Variants in PLAAT5 observed in about 807,000 individuals in gnomAD.
The protein encoded by PLAAT5 is Ca(2+)-independent N-acyltransferase.
A neutral mutation model predicts 27.8 loss-of-function variants in PLAAT5; 27 were observed. The observed-to-expected ratio is 0.97, with a 90% CI of 0.72 to 1.34. PLAAT5 has a LOEUF of 1.34. Ranked by LOEUF, PLAAT5 falls within the 40% of genes most tolerant of loss-of-function variation. The probability of loss-of-function intolerance (pLI) is 0.00; values close to 1 mark genes in which losing one functional copy is unlikely to be tolerated. For synonymous variants in PLAAT5, 125 were observed against 136.1 expected (o/e 0.92, Z 0.57); for missense variants, 368 against 343.8 (o/e 1.07, Z -0.56).
Position 63,490,329 on chromosome 11 carries a change from T to G in PLAAT5, c.153A>C (p.Glu51Asp), listed in dbSNP as rs142830842. ...GGACCAACGCTGCGAATCCCACGGA[T>G]TCTTCTAATTCAAGGGGGGAAATGC... ...LRRSAVPHSE[E>D]SVGFAALVQL... is the part of the protein sequence containing the mutation. The change falls in exon 2 of 6, where the codon GAA (glutamate) becomes GAC (aspartate). Residue 51 changes from glutamate (E) to aspartate (D), a missense_variant. Coordinates refer to ENST00000540857, the MANE Select transcript of PLAAT5 (RefSeq NM_001146729.2). 2.5e-6 allele frequency: 4 copies of G among 1,614,160 alleles called. No homozygotes were observed. Among genetic ancestry groups the G allele is most frequent in the Non-Finnish European group, 3.4e-6 (4 of 1,180,010 alleles).
At chr11:63,490,852 G>A (rs1327591757) in intron 1 of PLAAT5, 35 bp downstream of exon 1, 2 of 1,571,170 alleles carry the variant, frequency 1.3e-6, no homozygotes. Context: ...AAGGACAATT[G>A]CGGATTGTCC....
chr11:63,483,784 A>AATATATATATATATATATATGTATATAT (rs56345803), intron 3 of PLAAT5, among the ~76,000 whole-genome samples: 2 of 65,680 alleles, frequency 3.0e-5, no homozygotes, highest in Non-Finnish European at 5.2e-5. Flanking sequence ...GCAAAAAAAA[A>AATATATATATATATATATATGTATATAT]ATATATATAT....
intron 3 of PLAAT5, among the ~76,000 whole-genome samples, chr11:63,474,133 C>T (rs2016097163): frequency 6.6e-6 from 1 of 152,098 alleles, no homozygotes; most frequent in South Asian, 2.1e-4. Flanking sequence ...AGGGTTTTTA[C>T]ATGTATATTC....
At chr11:63,486,573 A>C (rs1437231365) in intron 3 of PLAAT5, among the ~76,000 whole-genome samples, 1 of 152,190 alleles carries the variant, frequency 6.6e-6, no homozygotes, top group Non-Finnish European at 1.5e-5. Context: ...AAAACAAAAA[A>C]ATCATATGCT....
chr11:63,470,220 C>G (rs2015986238), intron 3 of PLAAT5: 1 of 159,920 alleles, frequency 6.3e-6, no homozygotes, highest in African/African-American at 2.4e-5. Context: ...GTCTTCAAAC[C>G]TTAATGAACA....
At chr11:63,469,103 C>CGTGT (rs34013443) in intron 3 of PLAAT5, among the ~76,000 whole-genome samples, 3,556 of 134,360 alleles carry the variant, frequency 0.026, 58 homozygotes, top group East Asian at 0.073. Flanking sequence ...TCTCTATTAT[C>CGTGT]GTGTGTGTGT....
chr11:63,490,812 G>A (rs2016546723), intron 1 of PLAAT5, 75 bp downstream of exon 1: 1 of 1,339,938 alleles, frequency 7.5e-7, no homozygotes, highest in African/African-American at 1.5e-5. Context: ...AAGAAAAGGA[G>A]CTTTGAGGGT....
intron 1 of PLAAT5, 105 bp downstream of exon 1, chr11:63,490,782 A>G (rs1306423426): frequency 9.2e-7 from 1 of 1,089,950 alleles, no homozygotes; most frequent in African/African-American, 1.6e-5. Context: ...CTAACAGACA[A>G]CACAATCGCC....
At chr11:63,490,366 G>C (rs770346695) in intron 1 of PLAAT5, 33 bp from the exon 2 acceptor site, 8 of 1,613,910 alleles carry the variant, frequency 5.0e-6, no homozygotes, top group Non-Finnish European at 5.9e-6. Flanking sequence ...ATTTAGACCT[G>C]TGAAAGGAGA....
intron 3 of PLAAT5, among the ~76,000 whole-genome samples, chr11:63,488,579 C>T (rs772618687): frequency 1.4e-4 from 21 of 152,086 alleles, no homozygotes; most frequent in Non-Finnish European, 2.2e-4. Context: ...TTGTCCAACC[C>T]GCAGCCCACA....
chr11:63,484,296 G>T (rs753825401), intron 3 of PLAAT5, among the ~76,000 whole-genome samples: 68 of 150,498 alleles, frequency 4.5e-4, no homozygotes, highest in South Asian at 8.4e-4. Flanking sequence ...CTTATATAAA[G>T]CCAGCATCAC....
chr11:63,488,144 C>T (rs367677302), intron 3 of PLAAT5, among the ~76,000 whole-genome samples: 9 of 150,984 alleles, frequency 6.0e-5, no homozygotes, highest in African/African-American at 1.5e-4. Context: ...GACTCCATCT[C>T]GAAAAAAATA....
intron 3 of PLAAT5, among the ~76,000 whole-genome samples, chr11:63,471,594 G>C (rs774796628): frequency 9.2e-5 from 14 of 152,194 alleles, no homozygotes; most frequent in Admixed American, 3.9e-4. Flanking sequence ...AATCTAAGTG[G>C]AGAGGCTCTT....
rs73488054 is a variant in PLAAT5 at position 63,465,850 on chromosome 11, C to T, written c.717+260G>A. Among the ~76,000 whole-genome samples the T allele has an allele frequency of 8.9e-3, 1,361 of 152,132 alleles. 16 individuals are homozygous for T. The highest frequency in any genetic ancestry group is 0.032 in the African/African-American group (1,311 of 41,482). ...GCTTTCAGAAATATACTGATTTGAC[C>T]AAGGATACCCCTCTAGTTAATAGTT... On this transcript the variant is annotated intron_variant, in intron 5 of 5. Coordinates refer to ENST00000540857, the MANE Select transcript of PLAAT5 (RefSeq NM_001146729.2).
At chr11:63,468,136 G>A (rs1490542355) in intron 4 of PLAAT5, among the ~76,000 whole-genome samples, 2 of 152,092 alleles carry the variant, frequency 1.3e-5, no homozygotes, top group African/African-American at 4.8e-5. Context: ...AGGGAACTTG[G>A]GCCACGCTCT....
At chr11:63,479,037 T>TA (rs1470058026) in intron 3 of PLAAT5, among the ~76,000 whole-genome samples, 4 of 152,288 alleles carry the variant, frequency 2.6e-5, no homozygotes, top group Admixed American at 1.3e-4. Flanking sequence ...AGCAGAATGA[T>TA]ATTGCAGGAG....
chr11:63,472,353 C>G (rs1171102729), intron 3 of PLAAT5, among the ~76,000 whole-genome samples: 1 of 152,204 alleles, frequency 6.6e-6, no homozygotes, highest in Non-Finnish European at 1.5e-5. Context: ...TTCATGCTTG[C>G]TGCAGCATGC....
chr11:63,481,065 C>A (rs1289418285), intron 3 of PLAAT5, among the ~76,000 whole-genome samples: 1 of 152,152 alleles, frequency 6.6e-6, no homozygotes, highest in Non-Finnish European at 1.5e-5. Context: ...GAGCATTTTT[C>A]ATCCATATGC....
chr11:63,477,579 G>A (rs1204722512), intron 3 of PLAAT5, among the ~76,000 whole-genome samples: 1 of 151,966 alleles, frequency 6.6e-6, no homozygotes, highest in Non-Finnish European at 1.5e-5. Context: ...AGGTTCAAAC[G>A]ATTCTCCTGC....
Sources: allele counts gnomAD v4.1 joint callset (sites outside exome capture counted in the v4.1 genomes callset), GRCh38; gene constraint gnomAD v4.1.1; transcripts MANE v1.5; gene names NCBI Gene and HGNC (gene_info 2026-07-23, HGNC 2026-07-21).